The following MCU variants were observed in gnomAD, a reference collection of about 807,000 sequenced individuals.
The protein encoded by MCU is mitochondrial calcium uniporter.
In MCU, 12 loss-of-function variants were observed where a neutral mutation model predicts 45.2. The ratio of observed to expected loss-of-function variants is 0.27; its 90% CI spans 0.17 to 0.43. The LOEUF is 0.43. Ranked by LOEUF, MCU falls within the 20% of genes least tolerant of loss-of-function variation. The pLI is 1.00. For missense variants in MCU, 324 were observed against 436.7 expected (o/e 0.74, Z 2.30); for synonymous variants, 160 against 165.1 (o/e 0.97, Z 0.24).
intron 1 of MCU, among the ~76,000 whole-genome samples, chr10:72,741,247 C>T (rs1351930470): frequency 6.6e-6 from 1 of 151,838 alleles, no homozygotes; most frequent in East Asian, 1.9e-4. Context: ...TTACAGGCGC[C>T]CACCACCACA....
At chr10:72,721,507 G>A (rs544148535) in intron 1 of MCU, among the ~76,000 whole-genome samples, 2 of 152,234 alleles carry the variant, frequency 1.3e-5, no homozygotes, top group South Asian at 4.1e-4. Flanking sequence ...TCCATTTTGT[G>A]ATACTGACCT....
At chr10:72,737,301 GC>G (rs1843264240) in intron 1 of MCU, among the ~76,000 whole-genome samples, 1 of 152,142 alleles carries the variant, frequency 6.6e-6, no homozygotes, top group South Asian at 2.1e-4. Flanking sequence ...TAATAGATGA[GC>G]AGAAACCTCA....
At chr10:72,788,810 C>T (rs745572147) in intron 1 of MCU, among the ~76,000 whole-genome samples, 1 of 152,170 alleles carries the variant, frequency 6.6e-6, no homozygotes, top group Non-Finnish European at 1.5e-5. Flanking sequence ...ATAGTTGATT[C>T]TTGATAAAGT....
At chr10:72,711,802 C>T (rs972253769) in intron 1 of MCU, among the ~76,000 whole-genome samples, 1 of 149,274 alleles carries the variant, frequency 6.7e-6, no homozygotes, top group Non-Finnish European at 1.5e-5. Flanking sequence ...AGCTCCATCT[C>T]CCGGGTTCAC....
At chr10:72,699,161 T>C (rs1038117957) in intron 1 of MCU, among the ~76,000 whole-genome samples, 3 of 152,160 alleles carry the variant, frequency 2.0e-5, no homozygotes, top group Non-Finnish European at 4.4e-5. Context: ...ATTACTAGGA[T>C]AACATGTTAG....
At chr10:72,819,023 T>C (rs2132812866) in intron 1 of MCU, among the ~76,000 whole-genome samples, 1 of 152,332 alleles carries the variant, frequency 6.6e-6, no homozygotes, top group African/African-American at 2.4e-5. Flanking sequence ...ATCTCTGTTA[T>C]GTTTTCTTCT....
chr10:72,795,390 A>G (rs1216559058), intron 1 of MCU, among the ~76,000 whole-genome samples: 2 of 152,208 alleles, frequency 1.3e-5, no homozygotes, highest in Admixed American at 1.3e-4. Context: ...TCAAGTTAAA[A>G]TTGTTTCATA....
intron 1 of MCU, among the ~76,000 whole-genome samples, chr10:72,778,887 C>G (rs1336944615): frequency 6.6e-6 from 1 of 152,082 alleles, no homozygotes; most frequent in East Asian, 1.9e-4. Context: ...AAAAAACTTA[C>G]TGCAAAGCAA....
At position 72,885,909 on chromosome 10, in the gene MCU, TG is replaced by T. The variant is rs1053204620; in HGVS notation, c.*93del. ...TTGCAGGTGGAAGCTGGGAGCCATGTGGGGGGTAGAGCGTTTTTACCTTTAA... is the reference window on the plus strand; with the variant it reads ...TTGCAGGTGGAAGCTGGGAGCCATGTGGGGGTAGAGCGTTTTTACCTTTAA... On this transcript the variant is annotated 3_prime_UTR_variant, in exon 8 of 8. Transcript: ENST00000373053. 7.6e-6 allele frequency: 8 copies of T among 1,049,512 alleles called. No homozygotes were observed. Among genetic ancestry groups the T allele is most frequent in the East Asian group, 4.8e-5 (2 of 41,700 alleles). The allele number at this position is 1,049,512 out of a possible 1,614,324, so 65.0% of individuals were successfully genotyped here.
intron 1 of MCU, among the ~76,000 whole-genome samples, chr10:72,749,860 A>G (rs777488394): frequency 1.3e-5 from 2 of 151,708 alleles, no homozygotes; most frequent in Non-Finnish European, 2.9e-5. Context: ...TCCGCCTCCC[A>G]GGTTCAAGTG....
intron 1 of MCU, among the ~76,000 whole-genome samples, chr10:72,727,062 G>T (rs575948910): frequency 6.6e-6 from 1 of 152,148 alleles, no homozygotes; most frequent in African/African-American, 2.4e-5. Context: ...AATAAAGGCC[G>T]TTTTGGCAAT....
In MCU at chr10:72,711,219, A is replaced by AGC. The variant is rs1307453915; in HGVS notation, c.150+18918_150+18919insGC. ...TTACACTGTATGTATCCTTCTGCAA[A>AGC]TCTTTTTTTTTTTTTTTTTGGAATG... is the stretch of plus-strand genomic sequence containing the variant. On this transcript the variant is annotated intron_variant, in intron 1 of 7. Transcript: ENST00000373053. Among the ~76,000 whole-genome samples, 9 of 150,138 alleles carry AGC rather than the reference A, an allele frequency of 6.0e-5. No homozygotes were observed. The East Asian group carries it at 1.8e-3, about 29-fold the overall frequency.
intron 2 of MCU, among the ~76,000 whole-genome samples, chr10:72,856,532 A>C (rs1173425181): frequency 1.3e-5 from 2 of 152,186 alleles, no homozygotes; most frequent in Non-Finnish European, 1.5e-5. Flanking sequence ...TTGGATTTCC[A>C]AAACATTAAT....
At chr10:72,863,898 G>GA (rs1845416086) in intron 4 of MCU, among the ~76,000 whole-genome samples, 1 of 152,114 alleles carries the variant, frequency 6.6e-6, no homozygotes, top group Admixed American at 6.5e-5. Context: ...TTACAGGCAT[G>GA]AACCACCATG....
At chr10:72,882,882 CAT>C (rs1380324867) in intron 6 of MCU, among the ~76,000 whole-genome samples, 1 of 152,148 alleles carries the variant, frequency 6.6e-6, no homozygotes, top group Non-Finnish European at 1.5e-5. Flanking sequence ...AACCTACCGA[CAT>C]GTGATGTCCC....
At chr10:72,841,538 T>A (rs1845047689) in intron 2 of MCU, among the ~76,000 whole-genome samples, 1 of 152,116 alleles carries the variant, frequency 6.6e-6, no homozygotes, top group African/African-American at 2.4e-5. Flanking sequence ...CCTCAGGTGA[T>A]CCACCCACCT....
At chr10:72,804,740 C>T (rs1844403987) in intron 1 of MCU, among the ~76,000 whole-genome samples, 1 of 152,080 alleles carries the variant, frequency 6.6e-6, no homozygotes, top group Admixed American at 6.6e-5. Context: ...AAAATGAAAA[C>T]AAAGTATGTT....
intron 4 of MCU, among the ~76,000 whole-genome samples, chr10:72,865,101 C>G (rs573771624): frequency 6.6e-6 from 1 of 152,024 alleles, no homozygotes; most frequent in Non-Finnish European, 1.5e-5. Context: ...CTGTAATAAC[C>G]GTATTTTTTA....
At chr10:72,781,065 A>T (rs1002537429) in intron 1 of MCU, among the ~76,000 whole-genome samples, 10 of 152,236 alleles carry the variant, frequency 6.6e-5, no homozygotes, top group Non-Finnish European at 1.3e-4. Context: ...AAATAAAAAA[A>T]ATTTTTTTTA....
Sources: gnomAD v4.1 joint callset for allele counts (sites outside exome capture counted in the v4.1 genomes callset) on GRCh38, gnomAD v4.1.1 for gene constraint, MANE v1.5 for transcripts, NCBI Gene and HGNC (gene_info 2026-07-23, HGNC 2026-07-21) for gene names.